Variants in C12orf54 observed in about 807,000 individuals in gnomAD.
The protein encoded by C12orf54 is chromosome 12 open reading frame 54, also known as uncharacterized protein C12orf54.
Under a neutral mutation model 26.4 loss-of-function variants are expected in C12orf54, and 24 were observed. The observed-to-expected ratio is 0.91, with a 90% confidence interval of 0.66 to 1.28. The LOEUF (loss-of-function observed/expected upper bound fraction) is 1.28, where lower values mean the gene tolerates loss of function less well. C12orf54 is among the 50% of genes most tolerant of loss of function. The pLI is 0.00. For synonymous variants in C12orf54, 54 were observed against 47.0 expected (o/e 1.15, Z -0.61); for missense variants, 154 against 150.9 (o/e 1.02, Z -0.11).
chr12:48,432,275 T>C, the C12orf54 span, among the ~76,000 whole-genome samples: 1 of 152,182 alleles, frequency 6.6e-6, no homozygotes, highest in Non-Finnish European at 1.5e-5. Flanking sequence ...ACAGACACTA[T>C]ACAGTACTGA....
At chr12:48,471,098 C>T in the C12orf54 span, among the ~76,000 whole-genome samples, 4 of 152,066 alleles carry the variant, frequency 2.6e-5, no homozygotes, top group African/African-American at 9.7e-5. Flanking sequence ...TAACCATCCT[C>T]ATCTCCCCCC....
intron 2 of C12orf54, among the ~76,000 whole-genome samples, chr12:48,483,946 C>A (rs1316757306): frequency 6.6e-6 from 1 of 152,190 alleles, no homozygotes; most frequent in Non-Finnish European, 1.5e-5. Flanking sequence ...GTAATCCCAG[C>A]ACTTTGGGAG....
chr12:48,476,242 G>T, the C12orf54 span, among the ~76,000 whole-genome samples: 2 of 152,184 alleles, frequency 1.3e-5, no homozygotes, highest in Non-Finnish European at 2.9e-5. Context: ...GCTCCTGAAG[G>T]AAGCACTAAA....
the C12orf54 span, among the ~76,000 whole-genome samples, chr12:48,468,145 A>G: frequency 6.6e-6 from 1 of 152,226 alleles, no homozygotes; most frequent in Non-Finnish European, 1.5e-5. Context: ...AAACAAAACT[A>G]TTAGGTATTT....
At chr12:48,423,688 T>A in the C12orf54 span, among the ~76,000 whole-genome samples, 5 of 152,112 alleles carry the variant, frequency 3.3e-5, no homozygotes, top group Non-Finnish European at 2.9e-5. Context: ...AGAAATACAA[T>A]TGATTTTTAA....
At chr12:48,454,795 G>C in the C12orf54 span, among the ~76,000 whole-genome samples, 1 of 152,148 alleles carries the variant, frequency 6.6e-6, no homozygotes, top group East Asian at 1.9e-4. Context: ...AATATGCAAA[G>C]CTTAAGGTTG....
At chr12:48,424,668 A>G in the C12orf54 span, among the ~76,000 whole-genome samples, 23 of 152,156 alleles carry the variant, frequency 1.5e-4, no homozygotes, top group Non-Finnish European at 5.9e-5. Context: ...AGTTAAACAC[A>G]TACTTACCAT....
chr12:48,464,775 A>G, the C12orf54 span, among the ~76,000 whole-genome samples: 1 of 152,180 alleles, frequency 6.6e-6, no homozygotes. Flanking sequence ...ACACACCTAC[A>G]ACTATCTGAT....
chr12:48,431,174 A>T, the C12orf54 span, among the ~76,000 whole-genome samples: 1 of 152,182 alleles, frequency 6.6e-6, no homozygotes, highest in Non-Finnish European at 1.5e-5. Flanking sequence ...GGGATAAAAG[A>T]CTACAAATAG....
At chr12:48,435,476 GA>G in the C12orf54 span, among the ~76,000 whole-genome samples, 1 of 152,164 alleles carries the variant, frequency 6.6e-6, no homozygotes, top group African/African-American at 2.4e-5. Flanking sequence ...CATCAAAGTG[GA>G]AATGAAGGAA....
At chr12:48,491,465 C>T (rs538892872) in intron 6 of C12orf54, among the ~76,000 whole-genome samples, 2 of 152,328 alleles carry the variant, frequency 1.3e-5, no homozygotes, top group African/African-American at 4.8e-5. Context: ...CATAGGCATT[C>T]AGTCTACAGC....
the C12orf54 span, among the ~76,000 whole-genome samples, chr12:48,427,587 A>G: frequency 6.6e-6 from 1 of 151,730 alleles, no homozygotes; most frequent in South Asian, 2.1e-4. Context: ...GAGGAATATT[A>G]TATAACGGTA....
the C12orf54 span, among the ~76,000 whole-genome samples, chr12:48,447,311 C>G: frequency 6.6e-6 from 1 of 151,058 alleles, no homozygotes; most frequent in East Asian, 2.0e-4. Context: ...AGTGGCTATA[C>G]CTTGATCTTG....
At chr12:48,413,239 A>G in the C12orf54 span, among the ~76,000 whole-genome samples, 1 of 152,202 alleles carries the variant, frequency 6.6e-6, no homozygotes, top group Non-Finnish European at 1.5e-5. Context: ...TTACCATTCT[A>G]TATTTGCCCT....
the C12orf54 span, among the ~76,000 whole-genome samples, chr12:48,425,845 T>TTA: frequency 6.6e-6 from 1 of 152,156 alleles, no homozygotes; most frequent in African/African-American, 2.4e-5. Flanking sequence ...CTGAGCTTTT[T>TTA]TATATATACT....
chr12:48,458,238 C>T, the C12orf54 span, among the ~76,000 whole-genome samples: 4 of 152,184 alleles, frequency 2.6e-5, no homozygotes, highest in African/African-American at 9.7e-5. Flanking sequence ...TCATTCACTG[C>T]AACTGCTCAG....
chr12:48,464,054 G>A, the C12orf54 span, among the ~76,000 whole-genome samples: 1 of 151,850 alleles, frequency 6.6e-6, no homozygotes, highest in Non-Finnish European at 1.5e-5. Flanking sequence ...TCTATTCAAC[G>A]TAGTATTGGA....
upstream of C12orf54, among the ~76,000 whole-genome samples, chr12:48,481,519 C>T (rs1456038822): frequency 2.0e-5 from 3 of 152,076 alleles, no homozygotes; most frequent in Admixed American, 6.5e-5. Flanking sequence ...CTAGTAGCAC[C>T]TGGAGCTCTA....
intron 4 of C12orf54, among the ~76,000 whole-genome samples, 166 bp from the exon 5 acceptor site, chr12:48,488,758 T>A (rs535420820): frequency 6.6e-6 from 1 of 152,332 alleles, no homozygotes; most frequent in East Asian, 1.9e-4. Context: ...AGAGTGGAAG[T>A]CAATGAGGAT....
Sources: allele counts gnomAD v4.1 joint callset (sites outside exome capture counted in the v4.1 genomes callset), GRCh38; gene constraint gnomAD v4.1.1; transcripts MANE v1.5; gene names NCBI Gene and HGNC (gene_info 2026-07-23, HGNC 2026-07-21).